NOC2L: variants seen among roughly 807,000 people sequenced by gnomAD.
The protein encoded by NOC2L is nucleolar complex protein 2 homolog.
A neutral mutation model predicts 94.2 loss-of-function variants in NOC2L; 101 were observed. The observed-to-expected ratio is 1.07, with a 90% CI of 0.91 to 1.26. The LOEUF is 1.26. NOC2L is among the 50% of genes most tolerant of loss of function. NOC2L has a pLI of 0.00. For missense variants in NOC2L, 1,076 were observed against 980.1 expected (o/e 1.10, Z -1.31); for synonymous variants, 531 against 413.4 (o/e 1.28, Z -3.45).
chr1:956,330 G>A (rs1305122764), intron 4 of NOC2L, 115 bp from the exon 5 acceptor site: 9 of 1,251,570 alleles, frequency 7.2e-6, no homozygotes, highest in Non-Finnish European at 1.0e-5. Context: ...ATAGGGCAGA[G>A]GTTGGGGGGA....
chr1:951,971 C>T (rs368840609), intron 11 of NOC2L, 29 bp downstream of exon 11: 11 of 1,598,666 alleles, frequency 6.9e-6, no homozygotes, highest in Admixed American at 3.4e-5. Context: ...CTGACCCTCC[C>T]GCACAACCCT....
At chr1:952,692 C>T (rs1445101095) in intron 9 of NOC2L, 92 bp from the exon 10 acceptor site, 13 of 1,300,726 alleles carry the variant, frequency 1.0e-5, no homozygotes, top group Admixed American at 5.2e-5. Flanking sequence ...TGGGCCTTTC[C>T]CTCAGAGCTG....
rs1258062840 is a variant in NOC2L at position 957,149 on chromosome 1, T to C, written c.304A>G (p.Ser102Gly). ...AACGGCCCCTCTTCCTCCTCAGAGC[T>C]GTCCGAGTCGCTGAAGTTTAGCAGG... ...QSLLNFSDSD[S>G]SEEEEGPFHS... Residue 102 changes from serine to glycine, a missense_variant, in exon 3 of 19, where the codon AGC (serine) becomes GGC (glycine). By Grantham distance (56) the Ser-to-Gly change is moderately conservative. This residue lies in a region of NOC2L where 457 missense variants were observed against 386.0 expected (regional missense o/e 1.18). Transcript: ENST00000327044. 2 of 1,614,084 alleles carry C rather than the reference T, an allele frequency of 1.2e-6. No homozygotes were observed. Among genetic ancestry groups the C allele is most frequent in the Non-Finnish European group, 1.7e-6 (2 of 1,180,028 alleles).
chr1:946,127 C>T (rs1642102315), intron 16 of NOC2L, 46 bp downstream of exon 16: 1 of 1,386,226 alleles, frequency 7.2e-7, no homozygotes, highest in Non-Finnish European at 1.0e-6. Flanking sequence ...AGATCTGAAA[C>T]CCAGGAAGTC....
At chr1:956,499 T>C (rs1392342482) in intron 4 of NOC2L, among the ~76,000 whole-genome samples, 1 of 152,074 alleles carries the variant, frequency 6.6e-6, no homozygotes, top group Admixed American at 6.5e-5. Flanking sequence ...TCCGTATCCT[T>C]GTCCCTGGAA....
chr1:945,219 G>C (rs754199831), intron 17 of NOC2L, 73 bp from the exon 18 acceptor site: 13 of 1,522,076 alleles, frequency 8.5e-6, no homozygotes, highest in African/African-American at 1.4e-5. Context: ...GTGGGGGCAG[G>C]AGGGTGGCCA....
intron 11 of NOC2L, 116 bp downstream of exon 11, chr1:951,884 G>T: frequency 8.3e-7 from 1 of 1,203,348 alleles, no homozygotes; most frequent in Non-Finnish European, 1.2e-6. Flanking sequence ...CTCAGGGACG[G>T]CCAGGACACA....
At position 945,536 on chromosome 1, in the gene NOC2L, C is replaced by T. The variant is rs772663096; in HGVS notation, c.2035G>A (p.Glu679Lys). Reference protein sequence around the residue: ...DLNSSEEDDTEGFSERGILRP... With the variant: ...DLNSSEEDDTKGFSERGILRP... ...GCCCCACCTCTCTCCGAGAATCCCT[C>T]GGTGTCGTCCTCTTCAGAGCTGTTC... Residue 679 changes from glutamate (E) to lysine (K), a missense_variant, in exon 17 of 19, where the codon GAG becomes AAG. Physicochemically the swap from Glu to Lys is moderately conservative, Grantham distance 56 (BLOSUM62 1). Coordinates refer to ENST00000327044, the MANE Select transcript of NOC2L (RefSeq NM_015658.4). 5.0e-6 allele frequency: 8 copies of T among 1,613,938 alleles called. No individual in the cohort carries two copies. The highest frequency in any genetic ancestry group is 1.7e-4 in the Middle Eastern group (1 of 6,016).
intron 2 of NOC2L, chr1:957,607 C>G (rs1642448233): frequency 3.2e-6 from 1 of 308,156 alleles, no homozygotes; most frequent in African/African-American, 2.1e-5. Flanking sequence ...CTTCCAGAGG[C>G]TCAGACTAAA....
At chr1:944,903 C>A in intron 18 of NOC2L, 103 bp from the exon 19 acceptor site, 1 of 1,372,364 alleles carries the variant, frequency 7.3e-7, no homozygotes. Context: ...TTAATTTATC[C>A]CTGTTGCTGG....
At position 944,807 on chromosome 1, in the gene NOC2L, G is replaced by T. The variant is rs377423563; in HGVS notation, c.2144-7C>A. 1 of 1,535,156 alleles carries T rather than the reference G, an allele frequency of 6.5e-7. No individual in the cohort carries two copies. The highest frequency in any genetic ancestry group is 1.1e-5 in the South Asian group (1 of 87,114). On this transcript the variant is annotated splice_polypyrimidine_tract_variant and splice_region_variant and intron_variant, in intron 18 of 18. Transcript: ENST00000327044. Reference sequence around the variant, plus strand: ...TCTGCGTCTGGGTCTCCATCTGCGGGGAGAGATGGAGGCTACATAAATTTT... The same window carrying T: ...TCTGCGTCTGGGTCTCCATCTGCGGTGAGAGATGGAGGCTACATAAATTTT...
In NOC2L at chr1:957,089, A is replaced by G; in HGVS notation, c.354+10T>C. The G allele has an allele frequency of 6.2e-7, 1 of 1,613,904 alleles. No individual in the cohort carries two copies. The highest frequency in any genetic ancestry group is 8.5e-7 in the Non-Finnish European group (1 of 1,179,964). On this transcript the variant is annotated intron_variant, in intron 3 of 18. Transcript: ENST00000327044. ...AAGTGCCCCCCTTCTGGTTTGGCCC[A>G]CGCCCTCACCTCCAGCACATCTGGC...
chr1:950,414 CACAGGTACACACATGCAG>C (rs1642224638), intron 12 of NOC2L, among the ~76,000 whole-genome samples: 1 of 151,912 alleles, frequency 6.6e-6, no homozygotes, highest in South Asian at 2.1e-4. Context: ...TGCACACACG[CACAGGTACACACATGCAG>C]ACAGGTGCAC....
rs1346036922 is a variant in NOC2L, at chr1:953,203, T to C, written c.974A>G (p.Lys325Arg). Reference sequence around the variant, plus strand: ...GAGGACGGGGCCAAGGAAAGTGTCCTTCTTGTGCCGGCAGACTCTGCTGAG... The same window carrying C: ...GAGGACGGGGCCAAGGAAAGTGTCCCTCTTGTGCCGGCAGACTCTGCTGAG... ...LVLSRVCRHK[K>R]DTFLGPVLKQ... The change falls in exon 9 of 19, where the codon AAG becomes AGG. Residue 325 changes from lysine (K) to arginine (R), a missense_variant. By Grantham distance (26) the Lys-to-Arg change is conservative. Transcript: ENST00000327044. 1.2e-6 allele frequency: 2 copies of C among 1,613,366 alleles called. No homozygotes were observed. Among genetic ancestry groups the C allele is most frequent in the Non-Finnish European group, 1.7e-6 (2 of 1,179,664 alleles).
chr1:944,893 T>G, intron 18 of NOC2L, 93 bp from the exon 19 acceptor site: 2 of 1,349,772 alleles, frequency 1.5e-6, no homozygotes, highest in Non-Finnish European at 1.0e-6. Flanking sequence ...ACGGCACTAA[T>G]TAATTTATCC....
intron 9 of NOC2L, 71 bp downstream of exon 9, chr1:953,104 G>GCC: frequency 3.6e-6 from 4 of 1,125,810 alleles, no homozygotes; most frequent in Non-Finnish European, 4.0e-6. Flanking sequence ...CACAAAGGCA[G>GCC]CCCGCCCTGC....
intron 2 of NOC2L, chr1:957,859 T>A (rs541460113): frequency 6.3e-6 from 1 of 157,894 alleles, no homozygotes; most frequent in Admixed American, 6.0e-5. Flanking sequence ...TTCATCACCC[T>A]TCTGGGCTCA....
Position 944,339 on chromosome 1 carries a change from G to GTGCAGATGGACGAGGTC in NOC2L, c.*338_*354dup, listed in dbSNP as rs1642018323. ...CTTGGGGGAGTGAAGGCAGAGCCTG[G>GTGCAGATGGACGAGGTC]TGCAGATGGACGAGGTCTGCAGACG... is the stretch of plus-strand genomic sequence containing the variant. On this transcript the variant is annotated 3_prime_UTR_variant, in exon 19 of 19. Transcript: ENST00000327044. 5.1e-6 allele frequency: 7 copies of GTGCAGATGGACGAGGTC among 1,379,646 alleles called. No individual in the cohort carries two copies. The Admixed American group carries it at 1.4e-4, about 27-fold the overall frequency. 85.5% of individuals were successfully genotyped at this position (1,379,646 alleles called of 1,614,324 possible). A position where few individuals can be genotyped will look rare whatever the true frequency, so the allele number is the denominator to read the frequency against.
intron 4 of NOC2L, 74 bp downstream of exon 4, chr1:956,820 G>A: frequency 1.3e-6 from 2 of 1,592,300 alleles, no homozygotes; most frequent in Non-Finnish European, 1.7e-6. Flanking sequence ...GCCCCTCGCT[G>A]CTGCTCACCT....
Sources: allele counts gnomAD v4.1 joint callset (sites outside exome capture counted in the v4.1 genomes callset), GRCh38; gene constraint gnomAD v4.1.1; regional missense constraint gnomAD v4.1.1; transcripts MANE v1.5; gene names NCBI Gene and HGNC (gene_info 2026-07-23, HGNC 2026-07-21).